The following UEVLD variants were observed in gnomAD, a reference collection of about 807,000 sequenced individuals.
UEVLD encodes ubiquitin-conjugating enzyme E2 variant 3.
Under a neutral mutation model 58.6 loss-of-function variants are expected in UEVLD, and 47 were observed. That is an observed-to-expected ratio of 0.80 (90% CI 0.63 to 1.02). UEVLD has a LOEUF of 1.02. UEVLD is among the 50% of genes least tolerant of loss of function. UEVLD has a pLI of 0.00. For synonymous variants in UEVLD, 197 were observed against 195.3 expected (o/e 1.01, Z -0.07); for missense variants, 510 against 550.6 (o/e 0.93, Z 0.74).
In UEVLD at chr11:18,556,140, G is replaced by A. The variant is rs146550135; in HGVS notation, c.715+2088C>T. On this transcript the variant is annotated intron_variant, in intron 7 of 11. Coordinates refer to ENST00000396197, the MANE Select transcript of UEVLD (RefSeq NM_001040697.4). The stretch of plus-strand genomic sequence containing the variant: ...TCTGAAGCAATACCTATTGATGGTT[G>A]ATGAGACACACAGGAAGAAACAATT... Among the ~76,000 whole-genome samples, 1,123 of 152,282 alleles carry A rather than the reference G, an allele frequency of 7.4e-3. 13 individuals are homozygous for A. Among genetic ancestry groups the A allele is most frequent in the African/African-American group, 0.026 (1,072 of 41,562 alleles).
At chr11:18,553,256 G>A (rs921124616) in intron 7 of UEVLD, among the ~76,000 whole-genome samples, 1 of 150,806 alleles carries the variant, frequency 6.6e-6, no homozygotes, top group Non-Finnish European at 1.5e-5. Flanking sequence ...AACCCAGGAA[G>A]CGGAGGTTGC....
intron 1 of UEVLD, among the ~76,000 whole-genome samples, chr11:18,583,082 C>G (rs1281899616): frequency 1.3e-5 from 2 of 151,854 alleles, no homozygotes; most frequent in African/African-American, 2.4e-5. Flanking sequence ...ATCACCACAC[C>G]TGGCTAATTT....
In UEVLD at chr11:18,560,090, TACACACACAC is replaced by T. The variant is rs71050609; in HGVS notation, c.613-1770_613-1761del. Among the ~76,000 whole-genome samples the T allele has an allele frequency of 2.6e-4, 20 of 76,184 alleles. 1 individual carries two copies. In the South Asian group the frequency reaches 2.9e-3, roughly 11 times the overall value. 50.0% of individuals were successfully genotyped at this position (76,184 alleles called of 152,430 possible). A position where few individuals can be genotyped will look rare whatever the true frequency, so the allele number is the denominator to read the frequency against. On this transcript the variant is annotated intron_variant, in intron 6 of 11. Coordinates refer to ENST00000396197, the MANE Select transcript of UEVLD (RefSeq NM_001040697.4). ...GGGCAACATGGCAAAACCCCGTCTC[TACACACACAC>T]ACACACACACACACACACACACACA...
chr11:18,539,867 T>A (rs370897051), intron 9 of UEVLD, among the ~76,000 whole-genome samples: 1 of 152,240 alleles, frequency 6.6e-6, no homozygotes, highest in African/African-American at 2.4e-5. Context: ...TTGTATGTCA[T>A]GTGATTCCTC....
intron 1 of UEVLD, among the ~76,000 whole-genome samples, chr11:18,585,596 C>T (rs965710622): frequency 2.6e-5 from 4 of 152,122 alleles, no homozygotes; most frequent in African/African-American, 9.6e-5. Flanking sequence ...TTTGGTAGAG[C>T]AGGTCCTCAA....
intron 6 of UEVLD, among the ~76,000 whole-genome samples, chr11:18,558,989 C>T (rs1344545753): frequency 6.6e-6 from 1 of 151,120 alleles, no homozygotes; most frequent in Non-Finnish European, 1.5e-5. Flanking sequence ...ATTTTCCTGC[C>T]TCAGCCTCCC....
At chr11:18,542,890 C>CTTGTTTTTTTTTTTTTTTTTTTTTTTTT (rs1851115478) in intron 9 of UEVLD, among the ~76,000 whole-genome samples, 1 of 125,902 alleles carries the variant, frequency 7.9e-6, no homozygotes, top group Non-Finnish European at 1.6e-5. Context: ...CTTTTCTTTT[C>CTTGTTTTTTTTTTTTTTTTTTTTTTTTT]TTTTTTTTTT....
chr11:18,570,378 C>T lies in UEVLD; in HGVS notation c.194-1G>A, dbSNP rs1485325898. 4.6e-6 allele frequency: 7 copies of T among 1,519,336 alleles called. No individual in the cohort carries two copies. The highest frequency in any genetic ancestry group is 6.1e-6 in the Non-Finnish European group (7 of 1,140,426). The allele number at this position is 1,519,336 out of a possible 1,614,324, so 94.1% of individuals were successfully genotyped here. ...CGAATTGGTATGTTATATGTATTAC[C>T]TATTTGAGACAAAAGAAACATATCT... On this transcript the variant is annotated splice_acceptor_variant, in intron 3 of 11. Transcript: ENST00000396197. LOFTEE classifies it high-confidence loss of function.
chr11:18,575,482 G>T, intron 2 of UEVLD, 70 bp from the exon 3 acceptor site: 1 of 1,410,498 alleles, frequency 7.1e-7, no homozygotes, highest in Non-Finnish European at 9.8e-7. Flanking sequence ...AAGTATGTAA[G>T]TGTGCACATG....
chr11:18,588,337 G>T lies in UEVLD; in HGVS notation c.42+276C>A, dbSNP rs928869496. Among the ~76,000 whole-genome samples, 4 of 152,168 alleles carry T rather than the reference G, an allele frequency of 2.6e-5. 1 individual carries two copies. The highest frequency in any genetic ancestry group is 9.7e-5 in the African/African-American group (4 of 41,444). On this transcript the variant is annotated intron_variant, in intron 1 of 11. Transcript: ENST00000396197. ...GAAAGAGAGAAAGGCGTGGTTAGGC[G>T]TGTGCTGGGAGCTGTTTGAGGTCAG...
At chr11:18,586,673 A>C (rs1283360664) in intron 1 of UEVLD, among the ~76,000 whole-genome samples, 1 of 152,160 alleles carries the variant, frequency 6.6e-6, no homozygotes. Flanking sequence ...GGCATGAGTA[A>C]CTGTGCCTAG....
Position 18,534,316 on chromosome 11 carries a change from A to C in UEVLD, c.1248+14T>G, listed in dbSNP as rs759966832. The C allele has an allele frequency of 2.7e-6, 4 of 1,490,160 alleles. No homozygotes were observed. In the South Asian group the frequency reaches 5.5e-5, roughly 21 times the overall value. 92.3% of individuals were successfully genotyped at this position (1,490,160 alleles called of 1,614,324 possible). ...AAGTTTAAAATATAATAAGAGAATA[A>C]GAATAGCAATTACCTTTGCTAAAGC... is the stretch of plus-strand genomic sequence containing the variant. On this transcript the variant is annotated intron_variant, in intron 11 of 11. Transcript: ENST00000396197.
chr11:18,556,977 A>G (rs959869642), intron 7 of UEVLD, among the ~76,000 whole-genome samples: 1 of 151,456 alleles, frequency 6.6e-6, no homozygotes, highest in Non-Finnish European at 1.5e-5. Flanking sequence ...CTATAGCCCC[A>G]GCTACTTGGG....
Position 18,534,375 on chromosome 11 carries a change from A to G in UEVLD, c.1203T>C (p.Ile401=), listed in dbSNP as rs1590302645. 6.4e-7 allele frequency: 1 copy of G among 1,571,522 alleles called. No individual in the cohort carries two copies. The highest frequency in any genetic ancestry group is 8.6e-7 in the Non-Finnish European group (1 of 1,166,108). The change falls in exon 11 of 12, where the codon ATT becomes ATC. Residue 401 remains isoleucine, a synonymous_variant. Coordinates refer to ENST00000396197, the MANE Select transcript of UEVLD (RefSeq NM_001040697.4). ...GLSVADMVDS[I]VNNKKKVHSV... is the part of the protein sequence containing the mutation. ...AATGCACTTTCTTCTTATTGTTTAC[A>G]ATACTGTCAACCATGTCAGCTACTG...
At chr11:18,564,694 A>G (rs1852210973) in intron 6 of UEVLD, among the ~76,000 whole-genome samples, 198 bp downstream of exon 6, 1 of 152,212 alleles carries the variant, frequency 6.6e-6, no homozygotes, top group Admixed American at 6.5e-5. Flanking sequence ...TGTTCAAATC[A>G]CTTTTTTAAA....
At chr11:18,557,714 C>A (rs1851819317) in intron 7 of UEVLD, among the ~76,000 whole-genome samples, 1 of 151,978 alleles carries the variant, frequency 6.6e-6, no homozygotes, top group South Asian at 2.1e-4. Context: ...CAGTCATGAG[C>A]CACCACACCC....
intron 2 of UEVLD, 102 bp downstream of exon 2, chr11:18,578,622 G>C (rs1853061137): frequency 1.3e-6 from 1 of 789,774 alleles, no homozygotes; most frequent in African/African-American, 1.8e-5. Flanking sequence ...GAAAATCAGA[G>C]GATAAAAGAG....
rs780295784 is a variant in UEVLD, at chr11:18,570,176, A to T, written c.357+38T>A. ...AATCAATGATAGGTATTTAAAAAAA[A>T]AAAAAAGCTTTCTGTAGAAAATCCA... On this transcript the variant is annotated intron_variant, in intron 4 of 11. Transcript: ENST00000396197. 3.2e-5 allele frequency: 50 copies of T among 1,566,964 alleles called. 1 individual carries two copies. Among genetic ancestry groups the T allele is most frequent in the Non-Finnish European group, 2.9e-5 (34 of 1,164,634 alleles).
rs566934803 is a variant in UEVLD, at chr11:18,532,083, T to C, written c.*237A>G. On this transcript the variant is annotated 3_prime_UTR_variant, in exon 12 of 12. Transcript: ENST00000396197. Reference sequence around the variant, plus strand: ...TGCAGATGAATGTTTACCCCTGCTGTAGATTTAAAGAACAGCATAGATATC... The same window carrying C: ...TGCAGATGAATGTTTACCCCTGCTGCAGATTTAAAGAACAGCATAGATATC... The C allele has an allele frequency of 5.8e-4, 181 of 311,950 alleles. No homozygotes were observed. The highest frequency in any genetic ancestry group is 8.5e-4 in the Non-Finnish European group (146 of 172,428). The allele number at this position is 311,950 out of a possible 1,614,324, so 19.3% of individuals were successfully genotyped here. A position where few individuals can be genotyped will look rare whatever the true frequency, so the allele number is the denominator to read the frequency against.
Sources: allele counts gnomAD v4.1 joint callset (sites outside exome capture counted in the v4.1 genomes callset), GRCh38; gene constraint gnomAD v4.1.1; transcripts MANE v1.5; gene names NCBI Gene and HGNC (gene_info 2026-07-23, HGNC 2026-07-21).